Variants in NLRP1 observed in about 807,000 individuals in gnomAD.
The protein encoded by NLRP1 is NACHT, LRR and PYD domains-containing protein 1.
NLRP1 carries 94 observed loss-of-function variants against 136.7 expected under a neutral mutation model. That is an observed-to-expected ratio of 0.69 (90% confidence interval 0.58 to 0.82). The LOEUF (loss-of-function observed/expected upper bound fraction) is 0.82, where lower values mean the gene tolerates loss of function less well. Ranked by LOEUF, NLRP1 falls within the 40% of genes least tolerant of loss-of-function variation. NLRP1 has a pLI of 0.00. For synonymous variants in NLRP1, 690 were observed against 725.1 expected (o/e 0.95, Z 0.78); for missense variants, 1,575 against 1,802.7 (o/e 0.87, Z 2.29).
chr17:5,550,227 G>T (rs995477240), intron 5 of NLRP1, among the ~76,000 whole-genome samples: 1 of 151,904 alleles, frequency 6.6e-6, no homozygotes, highest in Non-Finnish European at 1.5e-5. Flanking sequence ...AAATTGGCAC[G>T]TGTTCTCTTT....
chr17:5,560,017 A>ATT lies in NLRP1; in HGVS notation c.677_678dup (p.Ser227AsnfsTer13). 1 of 1,573,662 alleles carries ATT rather than the reference A, an allele frequency of 6.4e-7. No individual in the cohort carries two copies. The highest frequency in any genetic ancestry group is 1.2e-5 in the South Asian group (1 of 85,134). On this transcript the variant is annotated frameshift_variant, in exon 4 of 17. Transcript: ENST00000572272. LOFTEE classifies it high-confidence loss of function. ...GCCCATGGGGGCCTGCCTTTCTCTG[A>ATT]TTTCTCTCTCTCTCTTTCTCTGATT... is the stretch of plus-strand genomic sequence containing the variant.
chr17:5,526,122 G>T (rs117696574), intron 12 of NLRP1, among the ~76,000 whole-genome samples: 1 of 151,900 alleles, frequency 6.6e-6, no homozygotes. Flanking sequence ...CTACAGGTGC[G>T]CACCACCATG....
rs370211543 is a variant in NLRP1 at position 5,580,817 on chromosome 17, T to C, written c.652+1042A>G. On this transcript the variant is annotated intron_variant, in intron 3 of 16. Transcript: ENST00000572272. ...AAAAGTTATCTTTGTGATTCTCAAA[T>C]ATAGAAAGAAACAACTTAAAGTATT... 2.0e-4 allele frequency among the ~76,000 whole-genome samples: 30 copies of C among 152,370 alleles called. No homozygotes were observed. In the East Asian group the frequency reaches 4.2e-3, roughly 22 times the overall value.
Position 5,514,336 on chromosome 17 carries a change from A to T in NLRP1, c.*418T>A, listed in dbSNP as rs1341947160. 1 of 945,408 alleles carries T rather than the reference A, an allele frequency of 1.1e-6. No individual in the cohort carries two copies. Among genetic ancestry groups the T allele is most frequent in the Non-Finnish European group, 1.3e-6 (1 of 775,694 alleles). 58.6% of individuals were successfully genotyped at this position (945,408 alleles called of 1,614,324 possible). On this transcript the variant is annotated 3_prime_UTR_variant, in exon 17 of 17. Coordinates refer to ENST00000572272, the MANE Select transcript of NLRP1 (RefSeq NM_033004.4). ...GGCTTGCTCTTGTAGATCTTCCTGTACAAAGCCAAGAATCCACGTGGCCTC... is the reference window on the plus strand; with the variant it reads ...GGCTTGCTCTTGTAGATCTTCCTGTTCAAAGCCAAGAATCCACGTGGCCTC...
At chr17:5,563,833 A>G (rs1390384721) in intron 3 of NLRP1, among the ~76,000 whole-genome samples, 2 of 152,218 alleles carry the variant, frequency 1.3e-5, no homozygotes, top group Non-Finnish European at 2.9e-5. Context: ...CAGATTCCCC[A>G]AGTCCTCAGA....
Position 5,539,417 on chromosome 17 carries a change from C to T in NLRP1, c.2868G>A (p.Leu956=). The change falls in exon 7 of 17, where the codon CTG becomes CTA. Residue 956 remains leucine, a splice_region_variant and synonymous_variant. Coordinates refer to ENST00000572272, the MANE Select transcript of NLRP1 (RefSeq NM_033004.4). ...AGAAGGGACCCACAGGGCCTTACCC[C>T]AGGCGTATGAGTTTGCAGGCAGGAT... ...LRHPACKLIR[L]GLDQTTLSDE... The T allele has an allele frequency of 5.6e-6, 9 of 1,611,580 alleles. No individual in the cohort carries two copies. The highest frequency in any genetic ancestry group is 6.8e-6 in the Non-Finnish European group (8 of 1,178,720).
chr17:5,520,281 C>T lies in NLRP1; in HGVS notation c.3915+600G>A, dbSNP rs1215407250. ...GGCCTGGTAAGACCCTGCCTCTAAT[C>T]TGACTCATCTTTTGCTATACTGACC... On this transcript the variant is annotated intron_variant, in intron 14 of 16. Coordinates refer to ENST00000572272, the MANE Select transcript of NLRP1 (RefSeq NM_033004.4). 2.0e-5 allele frequency among the ~76,000 whole-genome samples: 3 copies of T among 152,192 alleles called. No homozygotes were observed. In the East Asian group the frequency reaches 5.8e-4, roughly 29 times the overall value.
intron 8 of NLRP1, among the ~76,000 whole-genome samples, chr17:5,534,468 T>G (rs905739628): frequency 2.6e-5 from 4 of 152,174 alleles, no homozygotes; most frequent in East Asian, 3.8e-4. Flanking sequence ...CATCCACCCA[T>G]GCATCCAGGC....
chr17:5,559,329 A>G lies in NLRP1; in HGVS notation c.1367T>C (p.Ile456Thr). ...CTGCAGAGCTGTGGTCCGAGCCGTG[A>G]TCAGGAAGGATGCCTCGGGAAGTAT... ...KTILPEASFL[I>T]TARTTALQNL... Residue 456 changes from isoleucine (I) to threonine (T), a missense_variant, in exon 4 of 17, where the codon ATC becomes ACC. Coordinates refer to ENST00000572272, the MANE Select transcript of NLRP1 (RefSeq NM_033004.4). The G allele has an allele frequency of 6.2e-7, 1 of 1,614,148 alleles. No homozygotes were observed. Among genetic ancestry groups the G allele is most frequent in the Non-Finnish European group, 8.5e-7 (1 of 1,179,970 alleles).
At chr17:5,511,848 CTT>C (rs368079605), downstream of NLRP1, among the ~76,000 whole-genome samples, 23 of 149,670 alleles carry the variant, frequency 1.5e-4, no homozygotes, top group East Asian at 9.9e-4. Flanking sequence ...TCCTCTTCCT[CTT>C]TCTCTTCCTT....
chr17:5,554,834 C>A (rs113218987), intron 4 of NLRP1, among the ~76,000 whole-genome samples: 1 of 152,136 alleles, frequency 6.6e-6, no homozygotes, highest in Non-Finnish European at 1.5e-5. Context: ...CCAGCCTGGG[C>A]AACATAGTAA....
At position 5,558,412 on chromosome 17, in the gene NLRP1, G is replaced by A. The variant is rs146908613; in HGVS notation, c.2284C>T (p.Arg762Cys). 2.6e-5 allele frequency: 42 copies of A among 1,613,968 alleles called. No homozygotes were observed. Among genetic ancestry groups the A allele is most frequent in the African/African-American group, 6.7e-5 (5 of 74,892 alleles). Residue 762 changes from arginine to cysteine, a missense_variant, in exon 4 of 17, where the codon CGC (arginine) becomes TGC (cysteine). Physicochemically the swap from Arg to Cys is radical, Grantham distance 180 (BLOSUM62 -3). Coordinates refer to ENST00000572272, the MANE Select transcript of NLRP1 (RefSeq NM_033004.4). The stretch of plus-strand genomic sequence containing the variant: ...ATCAGCTGAAGCTTCTTCACGTGGC[G>A]GCTGAATTTAATGCAGAAAGTGCAC... ...LVCTFCIKFS[R>C]HVKKLQLIEG...
chr17:5,559,418 G>C lies in NLRP1; in HGVS notation c.1278C>G (p.Leu426=), dbSNP rs200524634. Residue 426 remains leucine, a synonymous_variant, in exon 4 of 17, where the codon CTC becomes CTG. Transcript: ENST00000572272. ...GCTGTGGCTGGCTCCAGTGCAGACA[G>C]AGCTCAGAACTCGGCTCCTGCAAGA... The part of the protein sequence containing the change: ...GWVLQEPSSE[L]CLHWSQPQPA... 21 of 1,614,032 alleles carry C rather than the reference G, an allele frequency of 1.3e-5. No individual in the cohort carries two copies. Among genetic ancestry groups the C allele is most frequent in the Non-Finnish European group, 1.6e-5 (19 of 1,180,012 alleles).
At chr17:5,539,675 G>A in intron 6 of NLRP1, 90 bp from the exon 7 acceptor site, 2 of 1,426,920 alleles carry the variant, frequency 1.4e-6, no homozygotes, top group South Asian at 3.0e-5. Context: ...CTCAGCATCT[G>A]TGGCCTTTTG....
chr17:5,582,619 G>C, intron 2 of NLRP1, 51 bp downstream of exon 2: 2 of 1,571,092 alleles, frequency 1.3e-6, no homozygotes, highest in Non-Finnish European at 1.7e-6. Context: ...GGGCCCACCA[G>C]CTGATTCACA....
At chr17:5,545,491 GACACACAGAC>G (rs1349952832) in intron 5 of NLRP1, among the ~76,000 whole-genome samples, 7 of 132,690 alleles carry the variant, frequency 5.3e-5, no homozygotes, top group Non-Finnish European at 1.1e-4. Context: ...CACACACACA[GACACACAGAC>G]ACACACACAC....
At chr17:5,564,756 T>TTTTTTTTG (rs1364973031) in intron 3 of NLRP1, among the ~76,000 whole-genome samples, 1 of 149,436 alleles carries the variant, frequency 6.7e-6, no homozygotes, top group African/African-American at 2.5e-5. Context: ...TTTTTTTTTT[T>TTTTTTTTG]AGACAGAGTC....
chr17:5,511,820 CTCTT>C (rs1408474916), downstream of NLRP1, among the ~76,000 whole-genome samples: 1 of 94,508 alleles, frequency 1.1e-5, no homozygotes, highest in Non-Finnish European at 2.1e-5. Context: ...TCCTTCCTTC[CTCTT>C]TTTCTTCATT....
intron 3 of NLRP1, among the ~76,000 whole-genome samples, chr17:5,579,080 GA>G (rs1301450923): frequency 6.6e-6 from 1 of 152,048 alleles, no homozygotes; most frequent in Non-Finnish European, 1.5e-5. Context: ...CTGGACACAG[GA>G]AGGGCAACAT....
Sources: allele counts gnomAD v4.1 joint callset (sites outside exome capture counted in the v4.1 genomes callset), GRCh38; gene constraint gnomAD v4.1.1; transcripts MANE v1.5; gene names NCBI Gene and HGNC (gene_info 2026-07-23, HGNC 2026-07-21).